The following GABRE variants were observed in gnomAD, a reference collection of about 807,000 sequenced individuals.
GABRE encodes gamma-aminobutyric acid receptor subunit epsilon.
In GABRE, 20 loss-of-function variants were observed where a neutral mutation model predicts 31.0. The ratio of observed to expected loss-of-function variants is 0.64; its 90% CI spans 0.45 to 0.94. GABRE has a LOEUF of 0.94. Among genes scored for constraint, GABRE ranks in the 40% least tolerant of loss-of-function variants. GABRE has a pLI of 0.00. For missense variants in GABRE, 420 were observed against 410.7 expected (o/e 1.02, Z -0.20); for synonymous variants, 155 against 150.6 (o/e 1.03, Z -0.21).
chrX:151,968,600 G>C (rs1330360093), intron 3 of GABRE, among the ~76,000 whole-genome samples: 3 of 111,788 alleles, frequency 2.7e-5, no homozygotes, highest in Non-Finnish European at 5.6e-5. Context: ...GAGTACCTGT[G>C]AGTATGCCAA....
At chrX:151,973,500 T>C (rs1934784521) in intron 1 of GABRE, among the ~76,000 whole-genome samples, 2 of 111,191 alleles carry the variant, frequency 1.8e-5, no homozygotes, top group East Asian at 5.7e-4. Flanking sequence ...TCCCCTTCTC[T>C]GATGAGCTAA....
chrX:151,966,456 A>G (rs985742077), intron 3 of GABRE, among the ~76,000 whole-genome samples: 1 of 112,006 alleles, frequency 8.9e-6, no homozygotes, highest in Non-Finnish European at 1.9e-5. Context: ...ACTCCCCTCA[A>G]GCAACTACAC....
intron 5 of GABRE, among the ~76,000 whole-genome samples, chrX:151,960,273 G>A (rs887314237): frequency 2.2e-4 from 25 of 112,081 alleles, no homozygotes; most frequent in Non-Finnish European, 7.5e-5. Context: ...ATTTTTGGAG[G>A]AGCTCTGAAA....
intron 3 of GABRE, among the ~76,000 whole-genome samples, chrX:151,968,879 C>T (rs1031063027): frequency 8.1e-5 from 9 of 111,676 alleles, no homozygotes; most frequent in East Asian, 5.6e-4. Context: ...ATGTAACTGC[C>T]GAAGAGAAGA....
In GABRE at chrX:151,955,877, A is replaced by T; in HGVS notation, c.785-17T>A. 2 of 1,209,368 alleles carry T rather than the reference A, an allele frequency of 1.7e-6. No homozygotes were observed. Among genetic ancestry groups the T allele is most frequent in the Non-Finnish European group, 2.2e-6 (2 of 893,298 alleles). On this transcript the variant is annotated splice_polypyrimidine_tract_variant and intron_variant, in intron 6 of 8. Coordinates refer to ENST00000370328, the MANE Select transcript of GABRE (RefSeq NM_004961.4). ...TGAAGTCACCTGAAAGACACAAAAA[A>T]CATCACTGCATTACAGTGCTGACAC...
intron 3 of GABRE, among the ~76,000 whole-genome samples, chrX:151,968,530 T>C (rs1197462096): frequency 1.8e-5 from 2 of 111,748 alleles, no homozygotes; most frequent in East Asian, 2.8e-4. Flanking sequence ...ATTGAGGGTC[T>C]ATTTGCAAGG....
At chrX:151,965,105 C>T (rs144687850) in intron 3 of GABRE, among the ~76,000 whole-genome samples, 1,125 of 111,558 alleles carry the variant, frequency 0.01, 14 homozygotes, top group African/African-American at 0.035. Flanking sequence ...GAGCAAAGAT[C>T]GTGCCACTCC....
chrX:151,968,678 A>C (rs1266601899), intron 3 of GABRE, among the ~76,000 whole-genome samples: 1 of 111,953 alleles, frequency 8.9e-6, no homozygotes, highest in Non-Finnish European at 1.9e-5. Context: ...AGCCTTCCTC[A>C]GTGTCAGGCT....
chrX:151,963,675 A>G (rs952907593), intron 3 of GABRE, among the ~76,000 whole-genome samples: 2 of 112,507 alleles, frequency 1.8e-5, no homozygotes, highest in African/African-American at 6.5e-5. Context: ...AATGCAGCTG[A>G]ATTAAGGAAG....
intron 6 of GABRE, 123 bp from the exon 7 acceptor site, chrX:151,955,983 T>G (rs1934155832): frequency 5.9e-6 from 4 of 675,534 alleles, no homozygotes; most frequent in Non-Finnish European, 9.1e-6. Context: ...AGGCATGATG[T>G]GACAATGCAA....
rs370583011 is a variant in GABRE, at chrX:151,962,408, A to G, written c.563+15T>C. 956 of 1,183,504 alleles carry G rather than the reference A, an allele frequency of 8.1e-4. No individual in the cohort carries two copies. In the African/African-American group the frequency reaches 0.01, roughly 13 times the overall value. On this transcript the variant is annotated intron_variant, in intron 4 of 8. Coordinates refer to ENST00000370328, the MANE Select transcript of GABRE (RefSeq NM_004961.4). ...AGAGAATTCCAGGAAGTGAGACTCC[A>G]GAGGCTTGACATACCTAATTGTGTA...
chrX:151,969,076 C>G (rs993295179), intron 3 of GABRE, among the ~76,000 whole-genome samples: 3 of 112,100 alleles, frequency 2.7e-5, no homozygotes, highest in Non-Finnish European at 5.6e-5. Flanking sequence ...TCTGGGAACA[C>G]CAATATTCTA....
intron 3 of GABRE, among the ~76,000 whole-genome samples, chrX:151,968,561 C>G (rs1233681724): frequency 9.0e-6 from 1 of 111,697 alleles, no homozygotes. Flanking sequence ...AGCCAAGGCT[C>G]TAACTCACCC....
At chrX:151,971,998 A>G (rs1362301379) in intron 1 of GABRE, 2 of 730,422 alleles carry the variant, frequency 2.7e-6, no homozygotes, top group African/African-American at 4.8e-5. Flanking sequence ...TGAGCTGTTC[A>G]CTCATGATGT....
At position 151,955,070 on chromosome X, in the gene GABRE, G is replaced by A. The variant is rs749272250; in HGVS notation, c.1152C>T (p.Ser384=). ...SPKLRHPRIN[S]RAHARTRARS... Reference sequence around the variant, plus strand: ...GTGCACGGGTACGGGCATGGGCACGGCTATTGATACGAGGCTAAAATGGAC... The same window carrying A: ...GTGCACGGGTACGGGCATGGGCACGACTATTGATACGAGGCTAAAATGGAC... Residue 384 remains serine (S), a synonymous_variant, in exon 9 of 9, where the codon AGC becomes AGT. Transcript: ENST00000370328. 19 of 1,201,153 alleles carry A rather than the reference G, an allele frequency of 1.6e-5. No individual in the cohort carries two copies. The South Asian group carries it at 2.7e-4, about 17-fold the overall frequency.
At chrX:151,973,939 G>A (rs760858717) in intron 1 of GABRE, among the ~76,000 whole-genome samples, 1 of 111,199 alleles carries the variant, frequency 9.0e-6, no homozygotes, top group African/African-American at 3.3e-5. Context: ...GGTGGAGAGG[G>A]GGCATAGCTG....
chrX:151,959,237 A>C (rs2124157739), intron 6 of GABRE: 1 of 246,490 alleles, frequency 4.1e-6, no homozygotes, highest in Non-Finnish European at 7.6e-6. Context: ...TTGTCAGAGA[A>C]AAGGTCAGAA....
At chrX:151,960,189 G>A (rs1045451216) in intron 5 of GABRE, among the ~76,000 whole-genome samples, 1 of 112,078 alleles carries the variant, frequency 8.9e-6, no homozygotes, top group Non-Finnish European at 1.9e-5. Flanking sequence ...CAGAAATACA[G>A]AGATGAGCAA....
Position 151,954,870 on chromosome X carries a change from T to G in GABRE, c.1352A>C (p.Lys451Thr). The G allele has an allele frequency of 8.3e-7, 1 of 1,211,596 alleles. No individual in the cohort carries two copies. ...CATGCAGAAGTACTTCTTAAAACGC[T>G]TGCACCACTCACAGCAGGCCAGCTT... ...CSKLACCEWC[K>T]RFKKYFCMVP... is the part of the protein sequence containing the mutation. Residue 451 changes from lysine to threonine, a missense_variant, in exon 9 of 9, where the codon AAG becomes ACG. Physicochemically the swap from Lys to Thr is moderately conservative, Grantham distance 78 (BLOSUM62 -1). Transcript: ENST00000370328.
Sources: gnomAD v4.1 joint callset for allele counts (sites outside exome capture counted in the v4.1 genomes callset) on GRCh38, gnomAD v4.1.1 for gene constraint, MANE v1.5 for transcripts, NCBI Gene and HGNC (gene_info 2026-07-23, HGNC 2026-07-21) for gene names.